TRPM7: variants seen among roughly 807,000 people sequenced by gnomAD.
TRPM7 encodes the protein LTRPC ion channel family member 7.
A neutral mutation model predicts 229.7 loss-of-function variants in TRPM7; 134 were observed. The observed-to-expected ratio is 0.58, with a 90% CI of 0.51 to 0.67. The LOEUF is 0.67. TRPM7 is among the 30% of genes least tolerant of loss of function. The pLI, the probability that TRPM7 is intolerant of heterozygous loss-of-function variation, is 0.00. For synonymous variants in TRPM7, 699 were observed against 715.2 expected (o/e 0.98, Z 0.36); for missense variants, 1,901 against 2,210.0 (o/e 0.86, Z 2.80).
intron 1 of TRPM7, among the ~76,000 whole-genome samples, chr15:50,680,995 G>A (rs1387187550): frequency 6.6e-6 from 1 of 152,116 alleles, no homozygotes; most frequent in Non-Finnish European, 1.5e-5. Context: ...GCTCATGCCT[G>A]TAATCCCAGC....
chr15:50,618,172 A>T (rs983802974), intron 13 of TRPM7, among the ~76,000 whole-genome samples: 3 of 152,196 alleles, frequency 2.0e-5, no homozygotes, highest in Admixed American at 6.5e-5. Flanking sequence ...TTTAGTTCAC[A>T]AACAATCCTG....
chr15:50,635,698 G>C (rs867033146), intron 7 of TRPM7, among the ~76,000 whole-genome samples: 1 of 138,922 alleles, frequency 7.2e-6, no homozygotes, highest in South Asian at 2.3e-4. Flanking sequence ...AAAAGAGGAC[G>C]GCTGGGTATG....
intron 38 of TRPM7, among the ~76,000 whole-genome samples, chr15:50,564,248 AAAAATAAAAT>A (rs58216853): frequency 0.028 from 3,551 of 124,704 alleles, 170 homozygotes; most frequent in African/African-American, 0.078. Flanking sequence ...GACTGTCTCA[AAAAATAAAAT>A]AAAATAAAAT....
intron 3 of TRPM7, among the ~76,000 whole-genome samples, chr15:50,651,963 A>C (rs1023105156): frequency 5.3e-5 from 8 of 152,080 alleles, no homozygotes; most frequent in Non-Finnish European, 1.0e-4. Context: ...TTAAAAAATA[A>C]CCTAAACTTC....
At chr15:50,586,695 A>G (rs903554553) in intron 27 of TRPM7, 4 of 408,438 alleles carry the variant, frequency 9.8e-6, no homozygotes, top group Non-Finnish European at 1.7e-5. Flanking sequence ...CCTACTGTTC[A>G]TAAATCCATC....
At chr15:50,613,647 T>A in intron 15 of TRPM7, 60 bp downstream of exon 15, 2 of 1,395,532 alleles carry the variant, frequency 1.4e-6, no homozygotes, top group Non-Finnish European at 1.9e-6. Context: ...TTAATAATAC[T>A]AAGTAATTTA....
At chr15:50,665,097 G>A (rs537921996) in intron 1 of TRPM7, among the ~76,000 whole-genome samples, 1 of 152,192 alleles carries the variant, frequency 6.6e-6, no homozygotes, top group African/African-American at 2.4e-5. Context: ...AAGCACACAT[G>A]AGGCATTTAT....
At chr15:50,646,476 G>A (rs996955292) in intron 4 of TRPM7, among the ~76,000 whole-genome samples, 4 of 152,032 alleles carry the variant, frequency 2.6e-5, no homozygotes, top group Non-Finnish European at 4.4e-5. Flanking sequence ...TACAGACAAG[G>A]TCTCACTATG....
chr15:50,684,535 G>A (rs942124171), intron 1 of TRPM7, among the ~76,000 whole-genome samples: 1 of 152,018 alleles, frequency 6.6e-6, no homozygotes, highest in Non-Finnish European at 1.5e-5. Flanking sequence ...CAGCTACTCG[G>A]GAGGCTGAGG....
chr15:50,632,738 T>C (rs1193958691), intron 9 of TRPM7, 131 bp downstream of exon 9: 3 of 893,710 alleles, frequency 3.4e-6, no homozygotes, highest in East Asian at 6.2e-5. Flanking sequence ...ATGACATATT[T>C]TTATGGTTAA....
At chr15:50,633,052 T>C (rs994720913) in intron 8 of TRPM7, 60 bp from the exon 9 acceptor site, 4 of 1,490,086 alleles carry the variant, frequency 2.7e-6, no homozygotes, top group Non-Finnish European at 3.6e-6. Context: ...AGGATCAATA[T>C]GAAGTACAGG....
chr15:50,661,989 A>T (rs1423606735), intron 2 of TRPM7, among the ~76,000 whole-genome samples: 1 of 152,194 alleles, frequency 6.6e-6, no homozygotes, highest in East Asian at 1.9e-4. Context: ...AGGCCAAGGC[A>T]GGCAGATGAC....
chr15:50,658,851 G>A (rs1439823707), intron 2 of TRPM7, among the ~76,000 whole-genome samples: 1 of 152,174 alleles, frequency 6.6e-6, no homozygotes, highest in Non-Finnish European at 1.5e-5. Flanking sequence ...TTCAATAAGA[G>A]ATTACTAAAA....
intron 1 of TRPM7, among the ~76,000 whole-genome samples, chr15:50,668,200 A>G (rs2061923608): frequency 6.6e-6 from 1 of 152,234 alleles, no homozygotes; most frequent in African/African-American, 2.4e-5. Flanking sequence ...TGGAGACTCT[A>G]ACATTAGAAT....
intron 8 of TRPM7, among the ~76,000 whole-genome samples, chr15:50,634,113 G>A (rs1180440192): frequency 2.0e-5 from 3 of 152,044 alleles, no homozygotes; most frequent in Non-Finnish European, 4.4e-5. Context: ...GAGGTCAGGA[G>A]TTCAAGACTA....
rs2053197018 is a variant in TRPM7, at chr15:50,558,281, T to C, written c.*3397A>G. On this transcript the variant is annotated 3_prime_UTR_variant, in exon 39 of 39. Transcript: ENST00000646667. Reference sequence around the variant, plus strand: ...AGATGAGGCTGGGTGCAGCAATTCATGCCTGCAATTCTACCACTTTGGGAA... The same window carrying C: ...AGATGAGGCTGGGTGCAGCAATTCACGCCTGCAATTCTACCACTTTGGGAA... 6.6e-6 allele frequency: 1 copy of C among 152,276 alleles called. No homozygotes were observed. Among genetic ancestry groups the C allele is most frequent in the Admixed American group, 6.5e-5 (1 of 15,276 alleles). The allele number at this position is 152,276 out of a possible 1,614,324, so 9.4% of individuals were successfully genotyped here. A position where few individuals can be genotyped will look rare whatever the true frequency, so the allele number is the denominator to read the frequency against.
chr15:50,637,140 A>G (rs1471851858), intron 7 of TRPM7, among the ~76,000 whole-genome samples: 2 of 151,842 alleles, frequency 1.3e-5, no homozygotes, highest in Non-Finnish European at 2.9e-5. Context: ...AAAAAAAAAA[A>G]AAAAGAATAT....
At chr15:50,577,948 G>A (rs923971178) in intron 31 of TRPM7, among the ~76,000 whole-genome samples, 1 of 151,308 alleles carries the variant, frequency 6.6e-6, no homozygotes, top group Admixed American at 6.6e-5. Flanking sequence ...AGAAGAAGAA[G>A]CAAGACACAG....
At chr15:50,599,068 G>A in intron 22 of TRPM7, 54 bp downstream of exon 22, 1 of 1,319,622 alleles carries the variant, frequency 7.6e-7, no homozygotes, top group African/African-American at 1.5e-5. Flanking sequence ...ATTCAATATT[G>A]GTTTTAAAAC....
Sources: gnomAD v4.1 joint callset for allele counts (sites outside exome capture counted in the v4.1 genomes callset) on GRCh38, gnomAD v4.1.1 for gene constraint, MANE v1.5 for transcripts, NCBI Gene and HGNC (gene_info 2026-07-23, HGNC 2026-07-21) for gene names.